The following ZNF444 variants were observed in gnomAD, a reference collection of about 807,000 sequenced individuals.
ZNF444 encodes the protein endothelial zinc finger protein 2.
A neutral mutation model predicts 14.4 loss-of-function variants in ZNF444; 8 were observed. The ratio of observed to expected loss-of-function variants is 0.56; its 90% CI spans 0.33 to 1.00. The LOEUF (loss-of-function observed/expected upper bound fraction) is 1.00. Ranked by LOEUF, ZNF444 falls within the 50% of genes least tolerant of loss-of-function variation. The pLI, the probability that ZNF444 is intolerant of heterozygous loss-of-function variation, is 0.03. For synonymous variants in ZNF444, 258 were observed against 235.9 expected (o/e 1.09, Z -0.86); for missense variants, 510 against 504.8 (o/e 1.01, Z -0.10).
intron 3 of ZNF444, chr19:56,157,606 T>C (rs1297305364): frequency 6.6e-6 from 1 of 152,194 alleles, no homozygotes; most frequent in Non-Finnish European, 1.5e-5. Flanking sequence ...GATTTCACCA[T>C]GTTGGCCAAG....
chr19:56,140,443 TA>T (rs369277040), upstream of ZNF444, among the ~76,000 whole-genome samples: 120 of 152,234 alleles, frequency 7.9e-4, 1 homozygote, highest in African/African-American at 2.5e-3. Flanking sequence ...GTCTGTCCAA[TA>T]GGGGCACAGC....
At chr19:56,148,699 C>T (rs530545427) in intron 3 of ZNF444, among the ~76,000 whole-genome samples, 35 of 152,230 alleles carry the variant, frequency 2.3e-4, no homozygotes, top group African/African-American at 8.4e-4. Context: ...GTCATTGTTC[C>T]CAAAAGTGGG....
At position 56,160,330 on chromosome 19, in the gene ZNF444, T is replaced by G. The variant is rs1011750371; in HGVS notation, c.*129T>G. The G allele has an allele frequency of 4.4e-5, 31 of 703,064 alleles. No homozygotes were observed. Among genetic ancestry groups the G allele is most frequent in the Non-Finnish European group, 3.6e-5 (17 of 466,008 alleles). The allele number at this position is 703,064 out of a possible 1,614,324, so 43.6% of individuals were successfully genotyped here. A position where few individuals can be genotyped will look rare whatever the true frequency, so the allele number is the denominator to read the frequency against. ...TCGTCCTCCTCCACCTGCGCCTCCC[T>G]TGTCTGAACTTCCCAACGCCTTCCT... On this transcript the variant is annotated 3_prime_UTR_variant, in exon 5 of 5. Transcript: ENST00000337080.
intron 2 of ZNF444, among the ~76,000 whole-genome samples, chr19:56,146,673 C>T (rs2031202824): frequency 6.6e-6 from 1 of 152,178 alleles, no homozygotes; most frequent in Non-Finnish European, 1.5e-5. Flanking sequence ...CCTGTAATTC[C>T]CGCTACTCAG....
At chr19:56,136,916 G>C (rs998914385), upstream of ZNF444, among the ~76,000 whole-genome samples, 4 of 152,014 alleles carry the variant, frequency 2.6e-5, no homozygotes, top group Non-Finnish European at 5.9e-5. Flanking sequence ...TAGTAGCTGG[G>C]ATTACAGGGA....
intron 1 of ZNF444, chr19:56,141,725 T>A (rs1057416042): frequency 1.1e-4 from 16 of 141,174 alleles, no homozygotes; most frequent in African/African-American, 3.5e-4. Context: ...GGCTGTGAGA[T>A]GAAAGCTGAG....
intron 3 of ZNF444, chr19:56,150,567 T>C (rs1296036420): frequency 2.4e-6 from 1 of 421,058 alleles, no homozygotes; most frequent in African/African-American, 2.0e-5. Flanking sequence ...AGTGATGGAA[T>C]TTCCCATGAC....
At chr19:56,151,116 C>T in intron 3 of ZNF444, 1 of 228,726 alleles carries the variant, frequency 4.4e-6, no homozygotes, top group East Asian at 1.1e-4. Flanking sequence ...GGCGCATAGA[C>T]AGCTGACATC....
rs754404644 is a variant in ZNF444 at position 56,144,650 on chromosome 19, T to C, written c.-196-1597T>C. On this transcript the variant is annotated intron_variant, in intron 1 of 4. Coordinates refer to ENST00000337080, the MANE Select transcript of ZNF444 (RefSeq NM_018337.4). This position sits in a 1 kb window ranked among gnomAD's most constrained non-coding sequence, Gnocchi z 4.0. ...GGCTTTGGTTGTATCAGGAGGAAAATTGTCTGAACACAGACTTCCTCTCAG... is the reference window on the plus strand; with the variant it reads ...GGCTTTGGTTGTATCAGGAGGAAAACTGTCTGAACACAGACTTCCTCTCAG... 6.6e-6 allele frequency among the ~76,000 whole-genome samples: 1 copy of C among 151,954 alleles called. No homozygotes were observed. Among genetic ancestry groups the C allele is most frequent in the African/African-American group, 2.4e-5 (1 of 41,368 alleles).
At position 56,160,371 on chromosome 19, in the gene ZNF444, C is replaced by G. The variant is rs1393515080; in HGVS notation, c.*170C>G. ...ACGCCTTCCTATTCCTTTCCAACTC[C>G]TTTTCCCCCAAATTTCACTTTCCTT... On this transcript the variant is annotated 3_prime_UTR_variant, in exon 5 of 5. Coordinates refer to ENST00000337080, the MANE Select transcript of ZNF444 (RefSeq NM_018337.4). 3 of 538,378 alleles carry G rather than the reference C, an allele frequency of 5.6e-6. No individual in the cohort carries two copies. In the Admixed American group the frequency reaches 1.3e-4, roughly 23 times the overall value. 33.4% of individuals were successfully genotyped at this position (538,378 alleles called of 1,614,324 possible). A position where few individuals can be genotyped will look rare whatever the true frequency, so the allele number is the denominator to read the frequency against.
At chr19:56,153,682 G>A (rs1364244193) in intron 3 of ZNF444, among the ~76,000 whole-genome samples, 4 of 152,232 alleles carry the variant, frequency 2.6e-5, no homozygotes, top group African/African-American at 9.6e-5. Context: ...ATGGGGGCAG[G>A]GCGTCTGCCA....
chr19:56,149,753 G>A (rs778143818), intron 3 of ZNF444: 1 of 152,204 alleles, frequency 6.6e-6, no homozygotes, highest in Non-Finnish European at 1.5e-5. Context: ...TTCTGTTCCT[G>A]TGTTAGTTTG....
upstream of ZNF444, among the ~76,000 whole-genome samples, chr19:56,138,348 T>C (rs568532674): frequency 1.3e-5 from 2 of 151,784 alleles, no homozygotes; most frequent in Admixed American, 6.6e-5. Flanking sequence ...GAAACTGGGC[T>C]GGGCATGGTG....
upstream of ZNF444, among the ~76,000 whole-genome samples, chr19:56,137,893 G>A (rs1281912590): frequency 6.6e-6 from 1 of 151,880 alleles, no homozygotes; most frequent in Non-Finnish European, 1.5e-5. Flanking sequence ...AGGCCGAGGC[G>A]GGTGGATGAC....
intron 3 of ZNF444, chr19:56,150,533 A>G: frequency 2.5e-6 from 1 of 393,626 alleles, no homozygotes; most frequent in Non-Finnish European, 5.0e-6. Context: ...CAGTGTCCAC[A>G]CAGACGGGAA....
In ZNF444 at chr19:56,147,028, G is replaced by A; in HGVS notation, c.117G>A (p.Gly39=). 2 of 1,508,456 alleles carry A rather than the reference G, an allele frequency of 1.3e-6. No homozygotes were observed. Among genetic ancestry groups the A allele is most frequent in the Non-Finnish European group, 8.8e-7 (1 of 1,137,684 alleles). The allele number at this position is 1,508,456 out of a possible 1,614,324, so 93.4% of individuals were successfully genotyped here. ...CGCCGGGCCCGCGGGAGGCGCTGGGGCTGCTCCGCGCCCTGTGCCGGGACT... is the reference window on the plus strand; with the variant it reads ...CGCCGGGCCCGCGGGAGGCGCTGGGACTGCTCCGCGCCCTGTGCCGGGACT... ...GDAPGPREAL[G]LLRALCRDWL... is the part of the protein sequence containing the mutation. Residue 39 remains glycine (G), a synonymous_variant, in exon 3 of 5, where the codon GGG becomes GGA. Transcript: ENST00000337080. This position sits in a 1 kb window ranked among gnomAD's most constrained non-coding sequence, Gnocchi z 5.9.
chr19:56,148,572 C>G (rs2031358365), intron 3 of ZNF444, among the ~76,000 whole-genome samples: 2 of 152,082 alleles, frequency 1.3e-5, no homozygotes, highest in Non-Finnish European at 2.9e-5. Flanking sequence ...TGCGGCCCGA[C>G]CAGCCCCCAG....
At position 56,159,783 on chromosome 19, in the gene ZNF444, T is replaced by C. The variant is rs761807694; in HGVS notation, c.566T>C (p.Leu189Pro). The change falls in exon 5 of 5, where the codon CTG becomes CCG. Residue 189 changes from leucine to proline, a missense_variant. Physicochemically the swap from Leu to Pro is moderately conservative, Grantham distance 98. Transcript: ENST00000337080. ...TSCPECGKTS[L>P]KPAHLLRHRQ... ...TGCCCCGAGTGCGGCAAAACGTCCCTGAAACCAGCTCACCTGCTGCGCCAC... is the reference window on the plus strand; with the variant it reads ...TGCCCCGAGTGCGGCAAAACGTCCCCGAAACCAGCTCACCTGCTGCGCCAC... 2.6e-5 allele frequency: 41 copies of C among 1,593,876 alleles called. No homozygotes were observed. The highest frequency in any genetic ancestry group is 3.5e-5 in the Non-Finnish European group (41 of 1,174,366).
At chr19:56,157,429 A>C (rs1216956035) in intron 3 of ZNF444, 1 of 151,552 alleles carries the variant, frequency 6.6e-6, no homozygotes, top group African/African-American at 2.4e-5. Context: ...TTGGAGACAG[A>C]GTCTCACTCT....
Sources: gnomAD v4.1 joint callset for allele counts (sites outside exome capture counted in the v4.1 genomes callset) on GRCh38, gnomAD v4.1.1 for gene constraint, Gnocchi (gnomAD v3.1) non-coding constraint, MANE v1.5 for transcripts, NCBI Gene and HGNC (gene_info 2026-07-23, HGNC 2026-07-21) for gene names.